GLIS3: variants seen among roughly 807,000 people sequenced by gnomAD.
The protein encoded by GLIS3 is zinc finger protein GLIS3.
GLIS3 carries 53 observed loss-of-function variants against 78.6 expected under a neutral mutation model. The ratio of observed to expected loss-of-function variants is 0.67; its 90% CI spans 0.54 to 0.85. The LOEUF is 0.85. Ranked by LOEUF, GLIS3 falls within the 40% of genes least tolerant of loss-of-function variation. GLIS3 has a pLI of 0.00. For missense variants in GLIS3, 1,703 were observed against 1,231.1 expected, an observed-to-expected ratio of 1.38 and a Z score of -5.74; for synonymous variants, 684 against 509.9, an observed-to-expected ratio of 1.34 and a Z score of -4.60.
At chr9:4,185,015 C>G (rs1817655866) in intron 2 of GLIS3, among the ~76,000 whole-genome samples, 1 of 152,168 alleles carries the variant, frequency 6.6e-6, no homozygotes, top group South Asian at 2.1e-4. Context: ...TATTAGTAAA[C>G]TTATCAAGTT....
intron 2 of GLIS3, among the ~76,000 whole-genome samples, chr9:4,279,688 G>C (rs897681847): frequency 1.3e-3 from 59 of 47,144 alleles, no homozygotes; most frequent in African/African-American, 5.0e-3. Flanking sequence ...ATTAGAGCTT[G>C]TTTGGTCAGT....
the GLIS3 span, among the ~76,000 whole-genome samples, chr9:4,408,804 A>C: frequency 6.6e-6 from 1 of 151,904 alleles, no homozygotes; most frequent in African/African-American, 2.4e-5. Flanking sequence ...ATTATAGTCA[A>C]TAATAATTTA....
the GLIS3 span, among the ~76,000 whole-genome samples, chr9:4,411,183 G>A: frequency 4.6e-5 from 7 of 152,176 alleles, no homozygotes; most frequent in South Asian, 2.1e-4. Context: ...CATGTGTGAT[G>A]TGATAATTTA....
At chr9:4,039,386 C>T (rs1824607773) in intron 4 of GLIS3, among the ~76,000 whole-genome samples, 1 of 152,102 alleles carries the variant, frequency 6.6e-6, no homozygotes, top group Admixed American at 6.6e-5. Context: ...CTACAGGTAT[C>T]CAAGCATCTC....
intron 4 of GLIS3, among the ~76,000 whole-genome samples, chr9:4,052,744 T>C (rs1825829001): frequency 6.6e-6 from 1 of 152,228 alleles, no homozygotes; most frequent in East Asian, 1.9e-4. Flanking sequence ...TTGAGTTGTT[T>C]CCATCTTTTG....
At chr9:4,354,460 T>G in the GLIS3 span, among the ~76,000 whole-genome samples, 1 of 152,176 alleles carries the variant, frequency 6.6e-6, no homozygotes, top group African/African-American at 2.4e-5. Flanking sequence ...TAACCAAGAA[T>G]TATACACTAC....
At chr9:4,361,054 C>A in the GLIS3 span, among the ~76,000 whole-genome samples, 10 of 152,338 alleles carry the variant, frequency 6.6e-5, no homozygotes, top group South Asian at 1.7e-3. Flanking sequence ...GTCAAGAGTA[C>A]ACATGAAACT....
intron 2 of GLIS3, among the ~76,000 whole-genome samples, chr9:4,194,585 C>G (rs1000963593): frequency 6.6e-5 from 10 of 152,158 alleles, no homozygotes. Flanking sequence ...ACTCTGTGAG[C>G]TTTAATTCAA....
chr9:4,119,318 C>A (rs1259883823), intron 3 of GLIS3, among the ~76,000 whole-genome samples: 1 of 152,154 alleles, frequency 6.6e-6, no homozygotes, highest in Admixed American at 6.5e-5. Context: ...GAATCTCAGC[C>A]TTCAAGTAAA....
chr9:4,389,055 A>G, the GLIS3 span, among the ~76,000 whole-genome samples: 80 of 152,358 alleles, frequency 5.3e-4, no homozygotes, highest in African/African-American at 1.7e-3. Context: ...GAGGTGCCAC[A>G]GCCTCCGTAA....
At chr9:4,340,178 C>T (rs1817814487) in intron 2 of GLIS3, among the ~76,000 whole-genome samples, 1 of 151,512 alleles carries the variant, frequency 6.6e-6, no homozygotes, top group Non-Finnish European at 1.5e-5. Context: ...TTCTTTCTTA[C>T]ATGGCCAACT....
intron 6 of GLIS3, among the ~76,000 whole-genome samples, chr9:3,907,518 A>G (rs374162007): frequency 6.6e-6 from 1 of 151,448 alleles, no homozygotes; most frequent in Non-Finnish European, 1.5e-5. Context: ...TTCGATTAGC[A>G]ATGTGCTGCC....
intron 3 of GLIS3, among the ~76,000 whole-genome samples, chr9:4,122,172 G>C (rs1003060743): frequency 6.6e-6 from 1 of 152,228 alleles, no homozygotes; most frequent in Non-Finnish European, 1.5e-5. Context: ...GGCCATAAGA[G>C]CATGAGAGGC....
At chr9:4,048,332 TAGATGGTTC>T (rs2130443869) in intron 4 of GLIS3, among the ~76,000 whole-genome samples, 1 of 152,296 alleles carries the variant, frequency 6.6e-6, no homozygotes, top group Non-Finnish European at 1.5e-5. Flanking sequence ...AAAAAGCTGT[TAGATGGTTC>T]ACACACTGTA....
upstream of GLIS3, among the ~76,000 whole-genome samples, chr9:4,350,100 T>C (rs1010384414): frequency 2.6e-5 from 4 of 152,132 alleles, no homozygotes; most frequent in African/African-American, 4.8e-5. Context: ...GATAGCAGCA[T>C]AGTGAGAAGG....
At chr9:3,860,594 G>T (rs1820149702) in intron 8 of GLIS3, among the ~76,000 whole-genome samples, 1 of 152,182 alleles carries the variant, frequency 6.6e-6, no homozygotes, top group South Asian at 2.1e-4. Flanking sequence ...TGCAGAAAAA[G>T]TGGGAATGGC....
chr9:4,244,746 T>G (rs954962442), intron 2 of GLIS3, among the ~76,000 whole-genome samples: 3 of 152,088 alleles, frequency 2.0e-5, no homozygotes, highest in African/African-American at 7.2e-5. Context: ...AGCTAATTTT[T>G]GTATTTTTAG....
At chr9:3,916,235 T>C (rs1047431065) in intron 6 of GLIS3, among the ~76,000 whole-genome samples, 1 of 152,308 alleles carries the variant, frequency 6.6e-6, no homozygotes, top group South Asian at 2.1e-4. Flanking sequence ...AGGTAGTATG[T>C]GAAATACGGG....
At chr9:4,285,822 CAGG>C in intron 2 of GLIS3, 1 of 610,458 alleles carries the variant, frequency 1.6e-6, no homozygotes, top group South Asian at 1.9e-5. Flanking sequence ...TTCACAGTCC[CAGG>C]AGATGTCTCA....
Sources: gnomAD v4.1 joint callset for allele counts (sites outside exome capture counted in the v4.1 genomes callset) on GRCh38, gnomAD v4.1.1 for gene constraint, MANE v1.5 for transcripts, NCBI Gene and HGNC (gene_info 2026-07-23, HGNC 2026-07-21) for gene names.